CDH15: variants seen among roughly 807,000 people sequenced by gnomAD.
CDH15 encodes cadherin-15.
CDH15 carries 73 observed loss-of-function variants against 69.4 expected under a neutral mutation model. That is an observed-to-expected ratio of 1.05 (90% CI 0.87 to 1.28). The LOEUF (loss-of-function observed/expected upper bound fraction) is 1.28, where lower values mean the gene tolerates loss of function less well. CDH15 is among the 50% of genes most tolerant of loss of function. CDH15 has a pLI of 0.00. For synonymous variants in CDH15, 624 were observed against 507.7 expected (o/e 1.23, Z -3.08); for missense variants, 1,343 against 1,133.6 (o/e 1.18, Z -2.65).
At position 89,190,305 on chromosome 16, in the gene CDH15, GCTGC is replaced by G; in HGVS notation, c.1042_1045del (p.Leu348ArgfsTer36). 1.2e-6 allele frequency: 2 copies of G among 1,611,778 alleles called. No individual in the cohort carries two copies. The highest frequency in any genetic ancestry group is 2.7e-5 in the African/African-American group (2 of 75,048). On this transcript the variant is annotated frameshift_variant, in exon 8 of 14. Transcript: ENST00000289746. LOFTEE classifies it high-confidence loss of function. ...AAGTGTCGGTGCAGAATGAGGCCCC[GCTGC>G]AGGCGGCTGCCCTTAGGGCTGAGCG...
In CDH15 at chr16:89,192,217, G is replaced by A; in HGVS notation, c.1628G>A (p.Arg543His). 6.5e-7 allele frequency: 1 copy of A among 1,528,980 alleles called. No individual in the cohort carries two copies. Among genetic ancestry groups the A allele is most frequent in the Non-Finnish European group, 8.7e-7 (1 of 1,144,416 alleles). The allele number at this position is 1,528,980 out of a possible 1,614,324, so 94.7% of individuals were successfully genotyped here. The part of the protein sequence containing the change: ...SLSQVNVSHA[R>H]LRPRHQVPEG... ...GCGCCCTCCGCAGTGAGCCACGCGC[G>A]CCTGCGGCCGCGACACCAGGTCCCC... is the stretch of plus-strand genomic sequence containing the variant. Residue 543 changes from arginine (R) to histidine (H), a missense_variant, in exon 11 of 14, where the codon CGC becomes CAC. Transcript: ENST00000289746.
rs1450069727 is a variant in CDH15 at position 89,179,420 on chromosome 16, T to C, written c.47T>C (p.Leu16Pro). Residue 16 changes from leucine (L) to proline (P), a missense_variant, in exon 2 of 14, where the codon CTC (leucine) becomes CCC (proline). Transcript: ENST00000289746. ...LLVLGLLAQS[L>P]CLSLGVPGWR... is the part of the protein sequence containing the mutation. ...ACGCATCTGTCTTTGTTGCAGAGCC[T>C]CTGCCTGTCTTTGGGGGTTCCTGGA... 8 of 1,613,622 alleles carry C rather than the reference T, an allele frequency of 5.0e-6. No homozygotes were observed. Among genetic ancestry groups the C allele is most frequent in the Non-Finnish European group, 5.9e-6 (7 of 1,179,900 alleles).
intron 8 of CDH15, among the ~76,000 whole-genome samples, chr16:89,190,846 C>T (rs564818258): frequency 6.6e-6 from 1 of 152,228 alleles, no homozygotes; most frequent in Non-Finnish European, 1.5e-5. Context: ...CCGGGAAGGG[C>T]CAGCACCAAC....
chr16:89,190,104 GT>G (rs1289149984), intron 7 of CDH15, 138 bp from the exon 8 acceptor site: 2 of 946,830 alleles, frequency 2.1e-6, no homozygotes, highest in African/African-American at 3.3e-5. Context: ...TGCATAATTT[GT>G]TTTTTCAAGG....
intron 13 of CDH15, 102 bp downstream of exon 13, chr16:89,194,015 C>G: frequency 7.5e-7 from 1 of 1,338,970 alleles, no homozygotes; most frequent in Non-Finnish European, 1.0e-6. Flanking sequence ...CCGGCGCCTG[C>G]ATGCACTTAT....
At chr16:89,173,120 T>TGGAGACAGTGGTGGGG (rs1395040404) in intron 1 of CDH15, among the ~76,000 whole-genome samples, 1 of 152,018 alleles carries the variant, frequency 6.6e-6, no homozygotes, top group Non-Finnish European at 1.5e-5. Context: ...CTCCCCCATC[T>TGGAGACAGTGGTGGGG]GGAGACAGTG....
Position 89,180,272 on chromosome 16 carries a change from CG to C in CDH15, c.278del (p.Gly93AlafsTer28). The C allele has an allele frequency of 6.2e-7, 1 of 1,610,020 alleles. No homozygotes were observed. Among genetic ancestry groups the C allele is most frequent in the Non-Finnish European group, 8.5e-7 (1 of 1,178,416 alleles). On this transcript the variant is annotated frameshift_variant, in exon 3 of 14. Coordinates refer to ENST00000289746, the MANE Select transcript of CDH15 (RefSeq NM_004933.3). LOFTEE classifies it high-confidence loss of function. ...GGGACCCGGCGTGGATGAGGAGCCC[CG>C]GGGCGTCTTCTCTATCGACAAGTTC... ...IQGPGVDEEP[R>X]GVFSIDKFTG...
rs553184114 is a variant in CDH15, at chr16:89,179,322, C to T, written c.43-94C>T. Reference sequence around the variant, plus strand: ...CGTGGGCTGAGGGAAACACTGCGCCCCGTGGCCTCCTCACCACCCACAGCT... The same window carrying T: ...CGTGGGCTGAGGGAAACACTGCGCCTCGTGGCCTCCTCACCACCCACAGCT... On this transcript the variant is annotated intron_variant, in intron 1 of 13. Coordinates refer to ENST00000289746, the MANE Select transcript of CDH15 (RefSeq NM_004933.3). The T allele has an allele frequency of 3.7e-5, 54 of 1,448,328 alleles. No homozygotes were observed. In the East Asian group the frequency reaches 8.7e-4, roughly 23 times the overall value. The allele number at this position is 1,448,328 out of a possible 1,614,324, so 89.7% of individuals were successfully genotyped here. A position where few individuals can be genotyped will look rare whatever the true frequency, so the allele number is the denominator to read the frequency against.
At position 89,185,331 on chromosome 16, in the gene CDH15, G is replaced by A. The variant is rs1915459467; in HGVS notation, c.661G>A (p.Glu221Lys). 8.8e-6 allele frequency: 14 copies of A among 1,598,914 alleles called. No individual in the cohort carries two copies. Among genetic ancestry groups the A allele is most frequent in the Non-Finnish European group, 1.2e-5 (14 of 1,173,216 alleles). ...CACAGTGCAAGTGGGGCTGGACCGC[G>A]AGGTGAGGTGGCGCCCCGGCAGCTC... is the stretch of plus-strand genomic sequence containing the variant. Reference protein sequence around the residue: ...IRTVQVGLDREVVAVYNLTLQ... With the variant: ...IRTVQVGLDRKVVAVYNLTLQ... Residue 221 changes from glutamate to lysine, a missense_variant and splice_region_variant, in exon 5 of 14, where the codon GAG becomes AAG. By Grantham distance (56) the Glu-to-Lys change is moderately conservative. Transcript: ENST00000289746.
At chr16:89,179,728 C>T (rs1204393912) in intron 2 of CDH15, among the ~76,000 whole-genome samples, 154 bp downstream of exon 2, 2 of 152,218 alleles carry the variant, frequency 1.3e-5, no homozygotes, top group African/African-American at 4.8e-5. Context: ...CTCTGGGCTT[C>T]CAACCTGGGT....
At chr16:89,178,079 C>T (rs553844455) in intron 1 of CDH15, among the ~76,000 whole-genome samples, 13 of 152,338 alleles carry the variant, frequency 8.5e-5, no homozygotes, top group South Asian at 6.2e-4. Context: ...GGGGTCACTA[C>T]GAGTGCCCCT....
At chr16:89,175,329 G>C (rs1280748158) in intron 1 of CDH15, among the ~76,000 whole-genome samples, 1 of 152,356 alleles carries the variant, frequency 6.6e-6, no homozygotes, top group East Asian at 1.9e-4. Flanking sequence ...GGGGTTCCTA[G>C]AGCCTGGGGT....
At position 89,181,808 on chromosome 16, in the gene CDH15, G is replaced by A. The variant is rs140404261; in HGVS notation, c.357+1453G>A. ...ACAAAAGTTAGCTGGGCATTCTAGCGTGCGCCTGTAGTCCCAGCTACTCAG... is the reference window on the plus strand; with the variant it reads ...ACAAAAGTTAGCTGGGCATTCTAGCATGCGCCTGTAGTCCCAGCTACTCAG... On this transcript the variant is annotated intron_variant, in intron 3 of 13. Transcript: ENST00000289746. 7.7e-3 allele frequency among the ~76,000 whole-genome samples: 1,175 copies of A among 151,730 alleles called. 16 individuals are homozygous for A. The highest frequency in any genetic ancestry group is 0.027 in the African/African-American group (1,127 of 41,350).
At chr16:89,190,621 G>A in intron 8 of CDH15, 125 bp downstream of exon 8, 3 of 1,266,674 alleles carry the variant, frequency 2.4e-6, no homozygotes, top group South Asian at 1.4e-5. Context: ...GTGGGTTCCT[G>A]AAGGTCTGGA....
Position 89,192,460 on chromosome 16 carries a change from G to C in CDH15, c.1855+16G>C. 6.4e-7 allele frequency: 1 copy of C among 1,563,280 alleles called. No homozygotes were observed. Among genetic ancestry groups the C allele is most frequent in the Non-Finnish European group, 8.6e-7 (1 of 1,162,390 alleles). ...CTGCTGCTGGGTGAGTGAGCGCCCC[G>C]CCTCCACCTGGACCCTCGGACCCTC... On this transcript the variant is annotated intron_variant, in intron 11 of 13. Coordinates refer to ENST00000289746, the MANE Select transcript of CDH15 (RefSeq NM_004933.3).
chr16:89,194,961 T>C lies in CDH15; in HGVS notation c.2251T>C (p.Ser751Pro), dbSNP rs775654999. The C allele has an allele frequency of 6.2e-6, 10 of 1,609,980 alleles. No homozygotes were observed. The highest frequency in any genetic ancestry group is 7.6e-6 in the Non-Finnish European group (9 of 1,178,974). ...GDGSVAGTLS[S>P]ILSSQGDEDQ... Reference sequence around the variant, plus strand: ...CGGCTCGGTGGCGGGGACGCTGAGCTCCATCCTGTCCAGCCAGGGCGATGA... The same window carrying C: ...CGGCTCGGTGGCGGGGACGCTGAGCCCCATCCTGTCCAGCCAGGGCGATGA... Residue 751 changes from serine (S) to proline (P), a missense_variant, in exon 14 of 14, where the codon TCC becomes CCC. Ser to Pro is a moderately conservative substitution (Grantham distance 74). Transcript: ENST00000289746.
chr16:89,191,357 C>G lies in CDH15; in HGVS notation c.1260C>G (p.Asp420Glu). ...LSYSKDYDPEDWLQVDAATGR... is the reference protein window; with the variant it reads ...LSYSKDYDPEEWLQVDAATGR... Reference sequence around the variant, plus strand: ...ACTCCAAGGACTACGACCCGGAAGACTGGCTGCAAGTGGACGCAGCCACTG... The same window carrying G: ...ACTCCAAGGACTACGACCCGGAAGAGTGGCTGCAAGTGGACGCAGCCACTG... Residue 420 changes from aspartate to glutamate, a missense_variant, in exon 9 of 14, where the codon GAC becomes GAG. Asp to Glu is a conservative substitution (Grantham distance 45). Transcript: ENST00000289746. 6.2e-7 allele frequency: 1 copy of G among 1,612,738 alleles called. No individual in the cohort carries two copies. The highest frequency in any genetic ancestry group is 8.5e-7 in the Non-Finnish European group (1 of 1,179,986).
chr16:89,187,951 G>A, intron 6 of CDH15, 149 bp from the exon 7 acceptor site: 1 of 731,884 alleles, frequency 1.4e-6, no homozygotes, highest in African/African-American at 1.8e-5. Context: ...CAGTGGGTGG[G>A]GAGCAGCTTC....
At chr16:89,187,876 C>T (rs1239204835) in intron 6 of CDH15, among the ~76,000 whole-genome samples, 1 of 152,158 alleles carries the variant, frequency 6.6e-6, no homozygotes, top group East Asian at 1.9e-4. Context: ...GCTGAGCCCA[C>T]AGAGGAGGAC....
Sources: gnomAD v4.1 joint callset for allele counts (sites outside exome capture counted in the v4.1 genomes callset) on GRCh38, gnomAD v4.1.1 for gene constraint, MANE v1.5 for transcripts, NCBI Gene and HGNC (gene_info 2026-07-23, HGNC 2026-07-21) for gene names.